The following ERBB3 variants were observed in gnomAD, a reference collection of about 807,000 sequenced individuals.
ERBB3 encodes receptor tyrosine-protein kinase erbB-3.
In ERBB3, 96 loss-of-function variants were observed where a neutral mutation model predicts 156.7. The ratio of observed to expected loss-of-function variants is 0.61; its 90% CI spans 0.52 to 0.73. The LOEUF (loss-of-function observed/expected upper bound fraction) is 0.73, where lower values mean the gene tolerates loss of function less well. Among genes scored for constraint, ERBB3 ranks in the 30% least tolerant of loss-of-function variants. The pLI is 0.00. For synonymous variants in ERBB3, 567 were observed against 632.0 expected (o/e 0.90, Z 1.54); for missense variants, 1,406 against 1,709.4 (o/e 0.82, Z 3.13).
chr12:56,091,047 G>A (rs1868663078), intron 9 of ERBB3, among the ~76,000 whole-genome samples: 1 of 150,832 alleles, frequency 6.6e-6, no homozygotes, highest in Non-Finnish European at 1.5e-5. Flanking sequence ...TAGGTAATGG[G>A]CAGCATGTTC....
chr12:56,080,595 T>G (rs3741499), intron 1 of ERBB3, among the ~76,000 whole-genome samples: 2 of 152,068 alleles, frequency 1.3e-5, no homozygotes, highest in African/African-American at 4.8e-5. Context: ...GCCACCCTTC[T>G]CCAGAGCGTC....
chr12:56,095,293 A>G lies in ERBB3; in HGVS notation c.1896A>G (p.Gln632=). ...CAGAGCTTCAAGACTGTTTAGGACA[A>G]ACACTGGTGCTGATCGGGTATGATG... ...KGPELQDCLG[Q]TLVLIGKTHL... The change falls in exon 16 of 28, where the codon CAA becomes CAG. Residue 632 remains glutamine, a synonymous_variant. Coordinates refer to ENST00000267101, the MANE Select transcript of ERBB3 (RefSeq NM_001982.4). 1.2e-6 allele frequency: 2 copies of G among 1,613,922 alleles called. No homozygotes were observed. The highest frequency in any genetic ancestry group is 1.7e-6 in the Non-Finnish European group (2 of 1,179,792).
intron 26 of ERBB3, 94 bp downstream of exon 26, chr12:56,100,339 T>C (rs1869048268): frequency 4.5e-6 from 5 of 1,105,222 alleles, no homozygotes; most frequent in Admixed American, 3.4e-5. Context: ...ATCAGTGTCC[T>C]GCAAAAAAGA....
At chr12:56,080,720 C>T (rs1459188175) in intron 1 of ERBB3, among the ~76,000 whole-genome samples, 1 of 152,168 alleles carries the variant, frequency 6.6e-6, no homozygotes, top group Admixed American at 6.5e-5. Context: ...ACAGGAGGTG[C>T]TTGGAGGTGG....
At chr12:56,095,601 A>G (rs1037828815) in intron 16 of ERBB3, 64 bp from the exon 17 acceptor site, 1 of 1,575,846 alleles carries the variant, frequency 6.3e-7, no homozygotes, top group Non-Finnish European at 8.7e-7. Flanking sequence ...CAACACAAGT[A>G]TAGTTGACAT....
chr12:56,101,354 C>T lies in ERBB3; in HGVS notation c.3495C>T (p.His1165=), dbSNP rs922851223. The change falls in exon 27 of 28, where the codon CAC becomes CAT. Residue 1165 remains histidine (H), a synonymous_variant. Coordinates refer to ENST00000267101, the MANE Select transcript of ERBB3 (RefSeq NM_001982.4). Reference sequence around the variant, plus strand: ...ACGGTTATGTCATGCCAGATACACACCTCAAAGGTGCCTGACTCTTCCTAG... The same window carrying T: ...ACGGTTATGTCATGCCAGATACACATCTCAAAGGTGCCTGACTCTTCCTAG... ...DVNGYVMPDT[H]LKGTPSSREG... is the part of the protein sequence containing the mutation. The T allele has an allele frequency of 2.5e-6, 4 of 1,614,164 alleles. No homozygotes were observed. The highest frequency in any genetic ancestry group is 2.5e-6 in the Non-Finnish European group (3 of 1,180,006).
At chr12:56,098,930 A>G in intron 23 of ERBB3, 25 bp downstream of exon 23, 4 of 1,585,170 alleles carry the variant, frequency 2.5e-6, no homozygotes, top group Non-Finnish European at 8.6e-7. Context: ...GAGCCCAACC[A>G]TTTTCTCTTT....
chr12:56,089,610 G>C (rs902755102), intron 9 of ERBB3, among the ~76,000 whole-genome samples: 8 of 151,886 alleles, frequency 5.3e-5, no homozygotes, highest in Non-Finnish European at 1.2e-4. Flanking sequence ...GGGTGTGGTG[G>C]TGCACATGCC....
At chr12:56,083,409 C>T (rs1056671024) in intron 1 of ERBB3, 5 of 370,414 alleles carry the variant, frequency 1.3e-5, no homozygotes, top group Non-Finnish European at 2.6e-5. Context: ...AAAGTTGCGG[C>T]CTTTTCCTAA....
In ERBB3 at chr12:56,100,252, T is replaced by C. The variant is rs1374694986; in HGVS notation, c.3201+7T>C. 2 of 1,609,408 alleles carry C rather than the reference T, an allele frequency of 1.2e-6. No individual in the cohort carries two copies. Among genetic ancestry groups the C allele is most frequent in the Non-Finnish European group, 1.7e-6 (2 of 1,176,128 alleles). On this transcript the variant is annotated splice_region_variant and intron_variant, in intron 26 of 27. Transcript: ENST00000267101. ...TCTTGGGGAGTCTTGCCAGGTAAGT[T>C]CTGTTGCTGAGAGGCTGGGTTTTAG...
chr12:56,100,384 G>C (rs1869050207), intron 26 of ERBB3, 139 bp downstream of exon 26: 2 of 750,154 alleles, frequency 2.7e-6, no homozygotes, highest in South Asian at 2.8e-5. Flanking sequence ...GCTCACACCT[G>C]TAATCCCAGC....
chr12:56,102,129 T>G lies in ERBB3; in HGVS notation c.*74T>G. On this transcript the variant is annotated 3_prime_UTR_variant, in exon 28 of 28. Transcript: ENST00000267101. Reference sequence around the variant, plus strand: ...TTTAGAGGGTACCGTCTTCTCCCTATTCCCTCTCTCTCCCAGGTCCCAGCC... The same window carrying G: ...TTTAGAGGGTACCGTCTTCTCCCTAGTCCCTCTCTCTCCCAGGTCCCAGCC... 4 of 1,313,146 alleles carry G rather than the reference T, an allele frequency of 3.0e-6. No individual in the cohort carries two copies. The highest frequency in any genetic ancestry group is 1.2e-5 in the South Asian group (1 of 84,950). 81.3% of individuals were successfully genotyped at this position (1,313,146 alleles called of 1,614,324 possible).
rs142393525 is a variant in ERBB3, at chr12:56,098,679, A to G, written c.2693-80A>G. The G allele has an allele frequency of 2.9e-4, 458 of 1,590,076 alleles. 2 individuals are homozygous for G. In the African/African-American group the frequency reaches 5.7e-3, roughly 20 times the overall value. On this transcript the variant is annotated intron_variant, in intron 22 of 27. Coordinates refer to ENST00000267101, the MANE Select transcript of ERBB3 (RefSeq NM_001982.4). ...TCTAAGCACTTCAGATTTTTGTGTT[A>G]GATCAGGTTCTGCCTTCCCTTCACT...
chr12:56,101,425 T>C (rs1869100351), intron 27 of ERBB3, 64 bp downstream of exon 27: 2 of 1,601,738 alleles, frequency 1.2e-6, no homozygotes, highest in Admixed American at 3.3e-5. Context: ...GGCTCCTCTT[T>C]TTTCTTCTCT....
intron 15 of ERBB3, among the ~76,000 whole-genome samples, chr12:56,094,896 A>G (rs1478409846): frequency 1.3e-5 from 2 of 151,256 alleles, no homozygotes; most frequent in African/African-American, 4.9e-5. Flanking sequence ...GGTTGCGGTG[A>G]GCTGAGATTG....
intron 4 of ERBB3, 94 bp from the exon 5 acceptor site, chr12:56,087,483 T>G: frequency 9.4e-7 from 1 of 1,065,604 alleles, no homozygotes; most frequent in Non-Finnish European, 1.5e-6. Context: ...CTTCCCGGGA[T>G]TGAGGTGCCT....
At chr12:56,099,594 CG>C in intron 23 of ERBB3, 53 bp from the exon 24 acceptor site, 1 of 1,504,188 alleles carries the variant, frequency 6.6e-7, no homozygotes, top group Admixed American at 1.7e-5. Flanking sequence ...CCACCGCGCC[CG>C]GCCATGGAAT....
Position 56,101,255 on chromosome 12 carries a change from C to T in ERBB3, c.3396C>T (p.Tyr1132=). ...CACGGCCACGCGGAGATAGCGCCTA[C>T]CATTCCCAGCGCCACAGTCTGCTGA... is the stretch of plus-strand genomic sequence containing the variant. ...RSPRPRGDSA[Y]HSQRHSLLTP... Residue 1132 remains tyrosine, a synonymous_variant, in exon 27 of 28, where the codon TAC becomes TAT. Transcript: ENST00000267101. 6.2e-7 allele frequency: 1 copy of T among 1,614,138 alleles called. No homozygotes were observed. The highest frequency in any genetic ancestry group is 8.5e-7 in the Non-Finnish European group (1 of 1,180,006).
Position 56,080,170 on chromosome 12 carries a change from T to G in ERBB3, c.-131T>G. On this transcript the variant is annotated 5_prime_UTR_variant, in exon 1 of 28. In the 5' UTR this introduces an upstream ATG that the reference lacks. Transcript: ENST00000267101. ...CTCCGGCTCCGGCTCCGATTGCAATTTGCAACCTCCGCTGCCGTCGCCGCA... is the reference window on the plus strand; with the variant it reads ...CTCCGGCTCCGGCTCCGATTGCAATGTGCAACCTCCGCTGCCGTCGCCGCA... The G allele has an allele frequency of 6.7e-6, 5 of 745,138 alleles. No homozygotes were observed. Among genetic ancestry groups the G allele is most frequent in the South Asian group, 5.9e-5 (4 of 67,826 alleles). 46.2% of individuals were successfully genotyped at this position (745,138 alleles called of 1,614,324 possible).
Sources: allele counts gnomAD v4.1 joint callset (sites outside exome capture counted in the v4.1 genomes callset), GRCh38; gene constraint gnomAD v4.1.1; transcripts MANE v1.5; gene names NCBI Gene and HGNC (gene_info 2026-07-23, HGNC 2026-07-21).